EPHA6: variants seen among roughly 807,000 people sequenced by gnomAD.
The protein encoded by EPHA6 is EPH receptor A6, also known as ephrin type-A receptor 6.
In EPHA6, 50 loss-of-function variants were observed where a neutral mutation model predicts 112.0. The ratio of observed to expected loss-of-function variants is 0.45; its 90% CI spans 0.36 to 0.56. The LOEUF (loss-of-function observed/expected upper bound fraction) is 0.56, where lower values mean the gene tolerates loss of function less well. Ranked by LOEUF, EPHA6 falls within the 20% of genes least tolerant of loss-of-function variation. EPHA6 has a pLI of 0.00. For synonymous variants in EPHA6, 529 were observed against 490.7 expected (o/e 1.08, Z -1.03); for missense variants, 1,280 against 1,417.4 (o/e 0.90, Z 1.56).
chr3:97,672,007 T>C (rs1419857566), intron 14 of EPHA6, among the ~76,000 whole-genome samples: 1 of 152,174 alleles, frequency 6.6e-6, no homozygotes, highest in African/African-American at 2.4e-5. Context: ...TATACATTCC[T>C]GGATTGCGCA....
At chr3:97,368,389 G>A (rs1017764106) in intron 5 of EPHA6, among the ~76,000 whole-genome samples, 7 of 152,064 alleles carry the variant, frequency 4.6e-5, no homozygotes, top group Admixed American at 6.6e-5. Context: ...ATACTTCATC[G>A]TGTATAAATT....
intron 2 of EPHA6, among the ~76,000 whole-genome samples, chr3:96,949,005 G>A (rs543448081): frequency 6.6e-6 from 1 of 152,228 alleles, no homozygotes; most frequent in East Asian, 1.9e-4. Context: ...ACCATGTATG[G>A]TGTTTTGTTG....
intron 14 of EPHA6, among the ~76,000 whole-genome samples, chr3:97,676,175 G>T (rs1182843922): frequency 1.3e-5 from 2 of 152,148 alleles, no homozygotes; most frequent in Admixed American, 1.3e-4. Context: ...AAAGCCATGA[G>T]ACTGAATGAT....
intron 2 of EPHA6, among the ~76,000 whole-genome samples, chr3:96,886,436 T>C (rs1265480467): frequency 6.6e-6 from 1 of 152,208 alleles, no homozygotes; most frequent in Non-Finnish European, 1.5e-5. Flanking sequence ...ATGTCCCTCT[T>C]TGTCTCTTTT....
rs79520221 is a variant in EPHA6, at chr3:97,176,630, G to A, written c.1115-49634G>A. 6.1e-3 allele frequency among the ~76,000 whole-genome samples: 929 copies of A among 151,724 alleles called. 8 individuals carry two copies. The highest frequency in any genetic ancestry group is 0.021 in the African/African-American group (884 of 41,460). On this transcript the variant is annotated intron_variant, in intron 3 of 17. Coordinates refer to ENST00000389672, the MANE Select transcript of EPHA6 (RefSeq NM_001080448.3). ...TCCTGGTTCGATCTTGGTAGGTTGC[G>A]TGTATCTAGGAATTTGTTCATTTCT... is the stretch of plus-strand genomic sequence containing the variant.
At chr3:96,862,838 G>A (rs1472475422) in intron 1 of EPHA6, among the ~76,000 whole-genome samples, 1 of 151,840 alleles carries the variant, frequency 6.6e-6, no homozygotes, top group African/African-American at 2.4e-5. Context: ...TATTAAATTT[G>A]TGTTTATCAT....
chr3:97,687,731 T>C (rs1371676826), intron 14 of EPHA6, among the ~76,000 whole-genome samples: 1 of 152,166 alleles, frequency 6.6e-6, no homozygotes, highest in Non-Finnish European at 1.5e-5. Context: ...CCTCCCAAAA[T>C]CCTCAGAGGC....
chr3:97,000,241 A>G (rs1291321004), intron 3 of EPHA6, among the ~76,000 whole-genome samples: 1 of 150,316 alleles, frequency 6.7e-6, no homozygotes, highest in African/African-American at 2.4e-5. Flanking sequence ...GTCTATTCCA[A>G]TTACCATGTG....
chr3:97,711,756 G>A (rs1256858903), intron 14 of EPHA6, among the ~76,000 whole-genome samples: 1 of 152,150 alleles, frequency 6.6e-6, no homozygotes, highest in Non-Finnish European at 1.5e-5. Flanking sequence ...TTAATCTACT[G>A]ATTCAAATGC....
chr3:96,941,525 T>C (rs2040947105), intron 2 of EPHA6, among the ~76,000 whole-genome samples: 2 of 152,240 alleles, frequency 1.3e-5, no homozygotes. Flanking sequence ...GTTTTTAACT[T>C]CTTTGCCATT....
intron 5 of EPHA6, among the ~76,000 whole-genome samples, chr3:97,319,904 A>G (rs1396892549): frequency 1.3e-5 from 2 of 152,022 alleles, no homozygotes; most frequent in East Asian, 1.9e-4. Context: ...CTGTAGGGGT[A>G]GTTTTAGAAT....
At chr3:97,234,759 A>T (rs2078632553) in intron 4 of EPHA6, among the ~76,000 whole-genome samples, 2 of 152,008 alleles carry the variant, frequency 1.3e-5, no homozygotes, top group Non-Finnish European at 2.9e-5. Flanking sequence ...ATCTTTTCAT[A>T]TGTTCTCCTT....
intron 13 of EPHA6, among the ~76,000 whole-genome samples, chr3:97,618,833 A>G (rs1261916185): frequency 6.6e-6 from 1 of 152,116 alleles, no homozygotes; most frequent in African/African-American, 2.4e-5. Flanking sequence ...TACCAGATGT[A>G]CTAAGAAAAG....
chr3:96,977,818 T>C (rs1336725820), intron 2 of EPHA6, among the ~76,000 whole-genome samples: 1 of 152,160 alleles, frequency 6.6e-6, no homozygotes, highest in Non-Finnish European at 1.5e-5. Flanking sequence ...TGTTATATAT[T>C]ACACATACTG....
intron 3 of EPHA6, among the ~76,000 whole-genome samples, chr3:97,095,760 A>T (rs558237756): frequency 1.1e-4 from 16 of 149,598 alleles, no homozygotes; most frequent in African/African-American, 4.1e-4. Context: ...AGGACTTGTT[A>T]AAAAATAAAA....
intron 2 of EPHA6, among the ~76,000 whole-genome samples, chr3:96,962,479 G>A (rs72916475): frequency 0.013 from 1,862 of 148,096 alleles, 48 homozygotes; most frequent in African/African-American, 0.043. Context: ...TTCTCACTGG[G>A]AATTGCTCCC....
At position 96,988,094 on chromosome 3, in the gene EPHA6, G is replaced by A. The variant is rs917261799; in HGVS notation, c.1114+101G>A. ...ATAGTAATTGTGCATATTCATGGGT[G>A]TGTAGTAATGTTTTGATACATATAA... is the stretch of plus-strand genomic sequence containing the variant. On this transcript the variant is annotated intron_variant, in intron 3 of 17. Transcript: ENST00000389672. 1.9e-5 allele frequency: 17 copies of A among 891,930 alleles called. No individual in the cohort carries two copies. The Admixed American group carries it at 2.7e-4, about 14-fold the overall frequency. The allele number at this position is 891,930 out of a possible 1,614,324, so 55.3% of individuals were successfully genotyped here. A position where few individuals can be genotyped will look rare whatever the true frequency, so the allele number is the denominator to read the frequency against.
intron 2 of EPHA6, among the ~76,000 whole-genome samples, chr3:96,964,438 A>T (rs760377834): frequency 2.0e-5 from 3 of 152,060 alleles, no homozygotes; most frequent in Non-Finnish European, 2.9e-5. Context: ...GGGAAACTTT[A>T]ATTTGTATGT....
At chr3:97,356,866 A>G (rs2084104420) in intron 5 of EPHA6, among the ~76,000 whole-genome samples, 1 of 152,078 alleles carries the variant, frequency 6.6e-6, no homozygotes, top group Non-Finnish European at 1.5e-5. Context: ...TCTCTCCATT[A>G]TTGACAATGG....
Sources: allele counts gnomAD v4.1 joint callset (sites outside exome capture counted in the v4.1 genomes callset), GRCh38; gene constraint gnomAD v4.1.1; transcripts MANE v1.5; gene names NCBI Gene and HGNC (gene_info 2026-07-23, HGNC 2026-07-21).